PIWIL2: variants seen among roughly 807,000 people sequenced by gnomAD.
The protein encoded by PIWIL2 is piwi-like protein 2.
A neutral mutation model predicts 116.5 loss-of-function variants in PIWIL2; 81 were observed. The ratio of observed to expected loss-of-function variants is 0.70; its 90% CI spans 0.58 to 0.84. PIWIL2 has a LOEUF of 0.84. Among genes scored for constraint, PIWIL2 ranks in the 40% least tolerant of loss-of-function variants. PIWIL2 has a pLI of 0.00. For synonymous variants in PIWIL2, 489 were observed against 429.5 expected (o/e 1.14, Z -1.71); for missense variants, 1,272 against 1,212.3 (o/e 1.05, Z -0.73).
intron 13 of PIWIL2, among the ~76,000 whole-genome samples, chr8:22,306,673 C>T (rs1215417919): frequency 6.6e-6 from 1 of 152,188 alleles, no homozygotes; most frequent in East Asian, 1.9e-4. Context: ...GACCCATATG[C>T]CACATACAGT....
intron 5 of PIWIL2, 27 bp from the exon 6 acceptor site, chr8:22,284,135 C>A (rs768023287): frequency 2.4e-6 from 3 of 1,224,806 alleles, no homozygotes; most frequent in Non-Finnish European, 2.3e-6. Context: ...TTGATATATG[C>A]AGTTGCTTTT....
intron 20 of PIWIL2, among the ~76,000 whole-genome samples, chr8:22,339,216 C>G (rs1009282171): frequency 3.9e-5 from 6 of 151,968 alleles, no homozygotes; most frequent in African/African-American, 1.4e-4. Context: ...AGAATTAAAA[C>G]TATAAAACTG....
chr8:22,289,557 C>T (rs981581560), intron 8 of PIWIL2, among the ~76,000 whole-genome samples: 1 of 152,198 alleles, frequency 6.6e-6, no homozygotes, highest in African/African-American at 2.4e-5. Flanking sequence ...TTGCATTCTT[C>T]GTAGTTAGTG....
chr8:22,284,328 G>A, intron 6 of PIWIL2, 56 bp downstream of exon 6: 7 of 875,656 alleles, frequency 8.0e-6, no homozygotes, highest in South Asian at 7.9e-5. Flanking sequence ...AAAAAAAATA[G>A]TTCCCCTGGA....
intron 17 of PIWIL2, among the ~76,000 whole-genome samples, chr8:22,314,695 T>C (rs1831413348): frequency 6.6e-6 from 1 of 152,054 alleles, no homozygotes; most frequent in South Asian, 2.1e-4. Flanking sequence ...GTTCTGAGAG[T>C]GAATATAGGC....
chr8:22,311,308 T>C lies in PIWIL2; in HGVS notation c.1989+8T>C. On this transcript the variant is annotated splice_region_variant and intron_variant, in intron 16 of 22. Transcript: ENST00000356766. ...TCCACGTTAGGAGCTGAGGTAAAAATGTAATTCAAATAAATTTATAGGATG... is the reference window on the plus strand; with the variant it reads ...TCCACGTTAGGAGCTGAGGTAAAAACGTAATTCAAATAAATTTATAGGATG... The C allele has an allele frequency of 6.3e-7, 1 of 1,588,118 alleles. No homozygotes were observed. The highest frequency in any genetic ancestry group is 8.6e-7 in the Non-Finnish European group (1 of 1,166,028).
In PIWIL2 at chr8:22,325,481, C is replaced by CTTTT. The variant is rs749493740; in HGVS notation, c.2403+7225_2403+7228dup. On this transcript the variant is annotated intron_variant, in intron 20 of 22. Transcript: ENST00000356766. ...ATGATGCATTATCTTTTGATTTAGTCTTTTTTTTTTTTTTTTTTTTTTGAG... is the reference window on the plus strand; with the variant it reads ...ATGATGCATTATCTTTTGATTTAGTCTTTTTTTTTTTTTTTTTTTTTTTTTTGAG... 5.4e-3 allele frequency among the ~76,000 whole-genome samples: 517 copies of CTTTT among 94,984 alleles called. 4 individuals are homozygous for CTTTT. The highest frequency in any genetic ancestry group is 0.014 in the East Asian group (36 of 2,588). The allele number at this position is 94,984 out of a possible 152,430, so 62.3% of individuals were successfully genotyped here.
rs747279569 is a variant in PIWIL2 at position 22,283,066 on chromosome 8, T to C, written c.458T>C (p.Leu153Ser). 10 of 1,614,188 alleles carry C rather than the reference T, an allele frequency of 6.2e-6. No individual in the cohort carries two copies. The highest frequency in any genetic ancestry group is 5.5e-5 in the South Asian group (5 of 91,080). ...GGAAGAGGGAGTTCAGATGCGTCTTTATTACCACTGGGAAGAGCAGCAGGT... is the reference window on the plus strand; with the variant it reads ...GGAAGAGGGAGTTCAGATGCGTCTTCATTACCACTGGGAAGAGCAGCAGGT... ...TLGRGSSDAS[L>S]LPLGRAAGGI... The change falls in exon 5 of 23, where the codon TTA becomes TCA. Residue 153 changes from leucine (L) to serine (S), a missense_variant. Coordinates refer to ENST00000356766, the MANE Select transcript of PIWIL2 (RefSeq NM_018068.5).
chr8:22,288,047 C>G (rs1195627694), intron 7 of PIWIL2, among the ~76,000 whole-genome samples: 4 of 152,056 alleles, frequency 2.6e-5, no homozygotes, highest in African/African-American at 9.7e-5. Context: ...GCCTGTAATC[C>G]TAGTACTTTG....
At chr8:22,330,046 G>T (rs73670406) in intron 20 of PIWIL2, among the ~76,000 whole-genome samples, 24 of 152,202 alleles carry the variant, frequency 1.6e-4, no homozygotes, top group African/African-American at 5.5e-4. Context: ...CCTTCCTCTT[G>T]TTCTTCTCCT....
chr8:22,353,764 C>CTTTTTTTTTTTTTTTTTT lies in PIWIL2; in HGVS notation c.2658-496_2658-479dup, dbSNP rs760913894. On this transcript the variant is annotated intron_variant, in intron 21 of 22. Transcript: ENST00000356766. ...CAGGAAGATAAGGGAGTTTCTACCA[C>CTTTTTTTTTTTTTTTTTT]TTTTTTTTTTTTTTTTTTTTTTTTT... 5.7e-4 allele frequency among the ~76,000 whole-genome samples: 39 copies of CTTTTTTTTTTTTTTTTTT among 68,362 alleles called. 11 individuals are homozygous for CTTTTTTTTTTTTTTTTTT. The highest frequency in any genetic ancestry group is 1.6e-3 in the South Asian group (2 of 1,278). The allele number at this position is 68,362 out of a possible 152,430, so 44.8% of individuals were successfully genotyped here.
rs57742067 is a variant in PIWIL2, at chr8:22,294,900, GAAAAAAAA to G, written c.1181+4576_1181+4583del. ...ACATGGTGAAATCCCATCTTTACTG[GAAAAAAAA>G]AAAAAAAAAAAAAAAAAAAAATTAA... On this transcript the variant is annotated intron_variant, in intron 10 of 22. Coordinates refer to ENST00000356766, the MANE Select transcript of PIWIL2 (RefSeq NM_018068.5). Among the ~76,000 whole-genome samples, 11 of 93,650 alleles carry G rather than the reference GAAAAAAAA, an allele frequency of 1.2e-4. 1 individual carries two copies. Among genetic ancestry groups the G allele is most frequent in the African/African-American group, 1.9e-4 (5 of 25,944 alleles). The allele number at this position is 93,650 out of a possible 152,430, so 61.4% of individuals were successfully genotyped here. A position where few individuals can be genotyped will look rare whatever the true frequency, so the allele number is the denominator to read the frequency against.
chr8:22,287,433 C>G (rs1202519094), intron 6 of PIWIL2, 95 bp from the exon 7 acceptor site: 1 of 801,856 alleles, frequency 1.2e-6, no homozygotes, highest in Non-Finnish European at 2.3e-6. Context: ...CTAGATGGAG[C>G]AGCAGTTACT....
intron 20 of PIWIL2, among the ~76,000 whole-genome samples, chr8:22,320,519 C>T (rs922286916): frequency 6.6e-6 from 1 of 151,792 alleles, no homozygotes; most frequent in African/African-American, 2.4e-5. Flanking sequence ...TCAAGTGATC[C>T]GCCCGCCTCA....
At chr8:22,280,530 A>G (rs1830475815) in intron 2 of PIWIL2, among the ~76,000 whole-genome samples, 1 of 152,242 alleles carries the variant, frequency 6.6e-6, no homozygotes, top group African/African-American at 2.4e-5. Context: ...TATAAGGAGA[A>G]AAGTTTATGA....
chr8:22,281,653 G>C (rs1269902680), intron 4 of PIWIL2, 138 bp downstream of exon 4: 1 of 695,258 alleles, frequency 1.4e-6, no homozygotes, highest in African/African-American at 1.9e-5. Context: ...TATTTCTCAA[G>C]AGTAGTCAGC....
At chr8:22,310,148 C>G in intron 15 of PIWIL2, 74 bp downstream of exon 15, 1 of 769,810 alleles carries the variant, frequency 1.3e-6, no homozygotes, top group Non-Finnish European at 2.2e-6. Context: ...CAGGAATGAT[C>G]TAGAGTCTTC....
Position 22,284,259 on chromosome 8 carries a change from CAT to C in PIWIL2, c.731_732del (p.His244ArgfsTer31), listed in dbSNP as rs1830581798. On this transcript the variant is annotated frameshift_variant, in exon 6 of 23. Transcript: ENST00000356766. LOFTEE classifies it high-confidence loss of function. ...TCATAATGAAGCAGTTTATCAATAT[CAT>C]GTGACTTTCAGGTATTCACAGCTTT... ...QCHNEAVYQY[H>X]VTFSPNVECK... The C allele has an allele frequency of 6.4e-7, 1 of 1,566,766 alleles. No homozygotes were observed. The highest frequency in any genetic ancestry group is 8.7e-7 in the Non-Finnish European group (1 of 1,145,058).
intron 20 of PIWIL2, among the ~76,000 whole-genome samples, chr8:22,340,882 T>C (rs1832092973): frequency 6.6e-6 from 1 of 152,106 alleles, no homozygotes; most frequent in African/African-American, 2.4e-5. Context: ...TGGCTAATTT[T>C]TTAATTTTTT....
Sources: allele counts gnomAD v4.1 joint callset (sites outside exome capture counted in the v4.1 genomes callset), GRCh38; gene constraint gnomAD v4.1.1; transcripts MANE v1.5; gene names NCBI Gene and HGNC (gene_info 2026-07-23, HGNC 2026-07-21).